ST18: variants seen among roughly 807,000 people sequenced by gnomAD.
ST18 encodes ST18 C2H2C-type zinc finger transcription factor, also known as suppression of tumorigenicity 18 protein.
In ST18, 50 loss-of-function variants were observed where a neutral mutation model predicts 110.0. The observed-to-expected ratio is 0.45, with a 90% confidence interval of 0.36 to 0.58. The LOEUF is 0.58. Among genes scored for constraint, ST18 ranks in the 20% least tolerant of loss-of-function variants. The pLI is 0.00. For synonymous variants in ST18, 461 were observed against 452.4 expected (o/e 1.02, Z -0.24); for missense variants, 1,306 against 1,280.1 (o/e 1.02, Z -0.31).
chr8:52,398,348 T>G (rs748167997), intron 2 of ST18, among the ~76,000 whole-genome samples: 1 of 152,224 alleles, frequency 6.6e-6, no homozygotes, highest in Non-Finnish European at 1.5e-5. Context: ...GTATATAAAA[T>G]CATGTCATCT....
At chr8:52,216,681 T>C (rs751507354) in intron 6 of ST18, among the ~76,000 whole-genome samples, 6 of 152,222 alleles carry the variant, frequency 3.9e-5, no homozygotes, top group Admixed American at 6.5e-5. Flanking sequence ...TTTCTTCTCA[T>C]AGATCTCAAT....
chr8:52,171,694 CT>C (rs2065021516), intron 10 of ST18, 97 bp downstream of exon 10: 2 of 1,293,822 alleles, frequency 1.5e-6, no homozygotes, highest in Non-Finnish European at 2.2e-6. Flanking sequence ...TTGCATTAAA[CT>C]GTTAAAAAGC....
Position 52,214,276 on chromosome 8 carries a change from G to C in ST18, c.1-19C>G, listed in dbSNP as rs960657260. ...CATCCATCTATAACATGAACACAAA[G>C]TCCTGAGGTCATTCCTTTGACATTG... On this transcript the variant is annotated intron_variant, in intron 6 of 25. Coordinates refer to ENST00000689386, the MANE Select transcript of ST18 (RefSeq NM_001352837.2). 3.1e-6 allele frequency: 5 copies of C among 1,613,304 alleles called. No homozygotes were observed. In the South Asian group the frequency reaches 5.5e-5, roughly 18 times the overall value.
intron 8 of ST18, among the ~76,000 whole-genome samples, chr8:52,208,325 C>T (rs1281117535): frequency 6.6e-6 from 1 of 152,208 alleles, no homozygotes; most frequent in Non-Finnish European, 1.5e-5. Flanking sequence ...AAACATGCCA[C>T]ATTTCCTAAG....
chr8:52,280,024 A>G (rs1218474325), intron 2 of ST18, among the ~76,000 whole-genome samples: 2 of 152,152 alleles, frequency 1.3e-5, no homozygotes, highest in African/African-American at 2.4e-5. Flanking sequence ...AAGTTTGAAA[A>G]TAATACAGGA....
intron 15 of ST18, among the ~76,000 whole-genome samples, chr8:52,150,516 T>G (rs1026834368): frequency 6.6e-6 from 1 of 152,132 alleles, no homozygotes; most frequent in African/African-American, 2.4e-5. Flanking sequence ...TAAACTAATA[T>G]AAAAGCAACA....
intron 17 of ST18, among the ~76,000 whole-genome samples, chr8:52,139,317 T>C (rs28633500): frequency 7.9e-6 from 1 of 126,630 alleles, no homozygotes; most frequent in African/African-American, 4.0e-5. Flanking sequence ...ACAAACAGCA[T>C]TGCATTATAT....
In ST18 at chr8:52,132,123, T is replaced by C; in HGVS notation, c.2501A>G (p.His834Arg). The change falls in exon 22 of 26, where the codon CAC becomes CGC. Residue 834 changes from histidine (H) to arginine (R), a missense_variant. Coordinates refer to ENST00000689386, the MANE Select transcript of ST18 (RefSeq NM_001352837.2). ...QGHISGKYTS[H>R]RTASGCPLAA... ...CAGAGGACAGCCAGAAGCTGTGCGG[T>C]GTGATGTGTATTTACCTGATATGTG... is the stretch of plus-strand genomic sequence containing the variant. 1 of 1,614,128 alleles carries C rather than the reference T, an allele frequency of 6.2e-7. No homozygotes were observed. Among genetic ancestry groups the C allele is most frequent in the Non-Finnish European group, 8.5e-7 (1 of 1,180,034 alleles).
chr8:52,347,117 C>G (rs528838464), intron 2 of ST18, among the ~76,000 whole-genome samples: 1 of 152,300 alleles, frequency 6.6e-6, no homozygotes, highest in East Asian at 1.9e-4. Flanking sequence ...AGTCCTGGCA[C>G]AATGCCTCTT....
At chr8:52,331,547 C>T (rs1477776047) in intron 2 of ST18, among the ~76,000 whole-genome samples, 1 of 152,146 alleles carries the variant, frequency 6.6e-6, no homozygotes, top group Non-Finnish European at 1.5e-5. Flanking sequence ...AGGGAAGACA[C>T]AGCTTTAGGT....
chr8:52,162,742 G>A (rs1233718341), intron 13 of ST18, among the ~76,000 whole-genome samples: 3 of 152,090 alleles, frequency 2.0e-5, no homozygotes, highest in Admixed American at 2.0e-4. Context: ...AAACACAAAT[G>A]ATTTTCTGCT....
intron 2 of ST18, among the ~76,000 whole-genome samples, chr8:52,332,530 CTTTTTTT>C (rs140331895): frequency 2.0e-4 from 10 of 49,768 alleles, no homozygotes; most frequent in Admixed American, 2.0e-3. Context: ...TCTAATGTAG[CTTTTTTT>C]TTTTTTTTTT....
chr8:52,194,289 T>C (rs930974558), intron 8 of ST18: 1 of 152,190 alleles, frequency 6.6e-6, no homozygotes, highest in African/African-American at 2.4e-5. Flanking sequence ...GAATAGACCT[T>C]CCTTTGTGAT....
chr8:52,304,930 T>C (rs2095790526), intron 2 of ST18, among the ~76,000 whole-genome samples: 1 of 152,212 alleles, frequency 6.6e-6, no homozygotes, highest in African/African-American at 2.4e-5. Context: ...TTTCAACATA[T>C]GAATTTTGGG....
intron 2 of ST18, among the ~76,000 whole-genome samples, chr8:52,337,804 C>A (rs1053533870): frequency 3.9e-5 from 6 of 152,286 alleles, no homozygotes; most frequent in Admixed American, 1.3e-4. Flanking sequence ...AGTGGGTGTA[C>A]AAAACCTTTC....
rs560053090 is a variant in ST18 at position 52,133,812 on chromosome 8, C to T, written c.2301-511G>A. Among the ~76,000 whole-genome samples the T allele has an allele frequency of 7.9e-5, 12 of 152,056 alleles. No homozygotes were observed. In the East Asian group the frequency reaches 1.9e-3, roughly 25 times the overall value. On this transcript the variant is annotated intron_variant, in intron 19 of 25. Coordinates refer to ENST00000689386, the MANE Select transcript of ST18 (RefSeq NM_001352837.2). ...ATGCTGCGATCTTGGCTTACTGCAACCTCCAACTCCCAGGTTCAAGTGATT... is the reference window on the plus strand; with the variant it reads ...ATGCTGCGATCTTGGCTTACTGCAATCTCCAACTCCCAGGTTCAAGTGATT...
At chr8:52,186,752 C>T (rs536555629) in intron 8 of ST18, among the ~76,000 whole-genome samples, 11 of 152,164 alleles carry the variant, frequency 7.2e-5, no homozygotes, top group Non-Finnish European at 1.5e-4. Context: ...ACAAATAACA[C>T]GGATGAATCC....
At chr8:52,292,986 C>T (rs2095578821) in intron 2 of ST18, among the ~76,000 whole-genome samples, 1 of 152,140 alleles carries the variant, frequency 6.6e-6, no homozygotes. Context: ...CTAGGATGGC[C>T]TCAGCTTTGT....
At chr8:52,248,608 C>T (rs2094042559) in intron 2 of ST18, 1 of 152,202 alleles carries the variant, frequency 6.6e-6, no homozygotes, top group Non-Finnish European at 1.5e-5. Flanking sequence ...ATATTTCTCT[C>T]AAAGGATCCT....
Sources: allele counts gnomAD v4.1 joint callset (sites outside exome capture counted in the v4.1 genomes callset), GRCh38; gene constraint gnomAD v4.1.1; transcripts MANE v1.5; gene names NCBI Gene and HGNC (gene_info 2026-07-23, HGNC 2026-07-21).